PLEKHA5: variants seen among roughly 807,000 people sequenced by gnomAD.
PLEKHA5 encodes the protein pleckstrin homology domain containing A5.
PLEKHA5 carries 55 observed loss-of-function variants against 181.9 expected under a neutral mutation model. The observed-to-expected ratio is 0.30, with a 90% confidence interval of 0.24 to 0.38. The LOEUF is 0.38. Among genes scored for constraint, PLEKHA5 ranks in the 10% least tolerant of loss-of-function variants. The probability of loss-of-function intolerance (pLI) is 1.00; values close to 1 mark genes in which losing one functional copy is unlikely to be tolerated. For synonymous variants in PLEKHA5, 535 were observed against 529.4 expected (o/e 1.01, Z -0.15); for missense variants, 1,432 against 1,549.5 (o/e 0.92, Z 1.27).
intron 3 of PLEKHA5, chr12:19,150,467 C>G (rs2040115649): frequency 6.6e-6 from 1 of 152,202 alleles, no homozygotes; most frequent in African/African-American, 2.4e-5. Flanking sequence ...CCCTGTGGCA[C>G]TTATCACTGG....
intron 3 of PLEKHA5, among the ~76,000 whole-genome samples, chr12:19,205,069 A>G (rs1227256249): frequency 1.3e-5 from 2 of 152,138 alleles, no homozygotes; most frequent in Non-Finnish European, 2.9e-5. Context: ...TGTAGAAATA[A>G]TCATTTCCAG....
intron 7 of PLEKHA5, among the ~76,000 whole-genome samples, chr12:19,264,876 G>T (rs1161192920): frequency 6.6e-6 from 1 of 152,082 alleles, no homozygotes; most frequent in Non-Finnish European, 1.5e-5. Context: ...TGATGACACC[G>T]CTTTATTAAC....
rs3056387 is a variant in PLEKHA5, at chr12:19,196,812, C to CTTTTTTTTTTT, written c.228-57122_228-57112dup. On this transcript the variant is annotated intron_variant, in intron 3 of 31. Transcript: ENST00000429027. ...TTAACTTGTTTTTTCTTTTTTTTTT[C>CTTTTTTTTTTT]TTTTTTTTTTTTTTTTAGAGAAATA... is the stretch of plus-strand genomic sequence containing the variant. Among the ~76,000 whole-genome samples the CTTTTTTTTTTT allele has an allele frequency of 5.7e-5, 7 of 122,582 alleles. No individual in the cohort carries two copies. In the East Asian group the frequency reaches 7.4e-4, roughly 13 times the overall value. 80.4% of individuals were successfully genotyped at this position (122,582 alleles called of 152,430 possible).
intron 3 of PLEKHA5, among the ~76,000 whole-genome samples, chr12:19,193,437 T>A (rs925408307): frequency 6.6e-6 from 1 of 152,190 alleles, no homozygotes; most frequent in South Asian, 2.1e-4. Context: ...TTACTTCAAA[T>A]GGAAAGTTAG....
intron 3 of PLEKHA5, among the ~76,000 whole-genome samples, chr12:19,138,883 C>T (rs780071969): frequency 2.6e-5 from 4 of 152,086 alleles, no homozygotes; most frequent in South Asian, 2.1e-4. Flanking sequence ...ATACTGTGTC[C>T]GGTCTTTGAA....
intron 7 of PLEKHA5, among the ~76,000 whole-genome samples, chr12:19,262,085 A>G (rs1240182747): frequency 6.6e-6 from 1 of 152,172 alleles, no homozygotes; most frequent in Admixed American, 6.5e-5. Flanking sequence ...TCACTCTTTC[A>G]GAAAGTTAGG....
rs1448276791 is a variant in PLEKHA5 at position 19,290,757 on chromosome 12, A to G, written c.1944A>G (p.Ala648=). The part of the protein sequence containing the change: ...ELSSIREHTL[A]QLMQLKLEAH... ...GTAGTATCCGGGAGCATACGTTAGCACAGCTCATGCAGCTAAAGCTTGAGG... is the reference window on the plus strand; with the variant it reads ...GTAGTATCCGGGAGCATACGTTAGCGCAGCTCATGCAGCTAAAGCTTGAGG... The change falls in exon 14 of 32, where the codon GCA becomes GCG. Residue 648 remains alanine, a synonymous_variant. Transcript: ENST00000429027. 6 of 1,535,924 alleles carry G rather than the reference A, an allele frequency of 3.9e-6. No individual in the cohort carries two copies. Among genetic ancestry groups the G allele is most frequent in the Non-Finnish European group, 5.2e-6 (6 of 1,146,556 alleles).
At chr12:19,188,538 G>A (rs1481947150) in intron 3 of PLEKHA5, among the ~76,000 whole-genome samples, 1 of 152,124 alleles carries the variant, frequency 6.6e-6, no homozygotes, top group Non-Finnish European at 1.5e-5. Flanking sequence ...TATTAGATTA[G>A]AAATGATGTT....
At chr12:19,279,973 C>T (rs750819786) in intron 11 of PLEKHA5, among the ~76,000 whole-genome samples, 48 of 150,758 alleles carry the variant, frequency 3.2e-4, no homozygotes, top group Non-Finnish European at 4.9e-4. Context: ...CAAATTATGC[C>T]GGCAGTTTAT....
At chr12:19,211,437 C>G (rs2056879072) in intron 3 of PLEKHA5, among the ~76,000 whole-genome samples, 1 of 152,060 alleles carries the variant, frequency 6.6e-6, no homozygotes, top group Non-Finnish European at 1.5e-5. Flanking sequence ...AGCAGCGTGA[C>G]TCCTGAGGCA....
intron 3 of PLEKHA5, among the ~76,000 whole-genome samples, chr12:19,204,755 TAATA>T (rs1161773300): frequency 6.6e-6 from 1 of 152,166 alleles, no homozygotes; most frequent in Non-Finnish European, 1.5e-5. Context: ...GCAAACATTT[TAATA>T]AATACATTGA....
chr12:19,237,441 GATAA>G (rs1460982632), intron 3 of PLEKHA5, among the ~76,000 whole-genome samples: 1 of 152,030 alleles, frequency 6.6e-6, no homozygotes, highest in Non-Finnish European at 1.5e-5. Context: ...GACCTCCAAA[GATAA>G]TTAGATGAAT....
At chr12:19,368,324 C>T (rs769651784) in intron 30 of PLEKHA5, among the ~76,000 whole-genome samples, 1 of 151,934 alleles carries the variant, frequency 6.6e-6, no homozygotes, top group Non-Finnish European at 1.5e-5. Flanking sequence ...GACAACGTTT[C>T]TACTAAAAAT....
chr12:19,315,776 T>TTGAG, intron 16 of PLEKHA5, among the ~76,000 whole-genome samples: 1 of 152,252 alleles, frequency 6.6e-6, no homozygotes, highest in East Asian at 1.9e-4. Flanking sequence ...AAGAACGACT[T>TTGAG]TGAGCTCATG....
At chr12:19,302,657 A>G (rs1256105385) in intron 15 of PLEKHA5, among the ~76,000 whole-genome samples, 1 of 152,044 alleles carries the variant, frequency 6.6e-6, no homozygotes, top group Admixed American at 6.6e-5. Flanking sequence ...TTGGCCTCCC[A>G]AAGTGCTGCC....
chr12:19,245,736 A>C lies in PLEKHA5; in HGVS notation c.228-8204A>C, dbSNP rs994880387. ...GAGTGAGACTGTCAAAAAAAAAAAAAAAAAAAAAAAAAAACCTTCCTTTTA... is the reference window on the plus strand; with the variant it reads ...GAGTGAGACTGTCAAAAAAAAAAAACAAAAAAAAAAAAAACCTTCCTTTTA... On this transcript the variant is annotated intron_variant, in intron 3 of 31. Coordinates refer to ENST00000429027, the MANE Select transcript of PLEKHA5 (RefSeq NM_001256470.2). Among the ~76,000 whole-genome samples, 7 of 150,498 alleles carry C rather than the reference A, an allele frequency of 4.7e-5. No homozygotes were observed. The South Asian group carries it at 8.4e-4, about 18-fold the overall frequency.
At position 19,322,222 on chromosome 12, in the gene PLEKHA5, A is replaced by G. The variant is rs1420102885; in HGVS notation, c.2218-88A>G. ...TATTTTAACTTTTATTGATTGAAAT[A>G]TAGATTTTTGGTCATATAATGACTG... On this transcript the variant is annotated intron_variant, in intron 18 of 31. Transcript: ENST00000429027. The G allele has an allele frequency of 9.2e-6, 7 of 759,274 alleles. No individual in the cohort carries two copies. In the Admixed American group the frequency reaches 1.1e-4, roughly 12 times the overall value. The allele number at this position is 759,274 out of a possible 1,614,324, so 47.0% of individuals were successfully genotyped here.
At chr12:19,190,128 C>G (rs369040864) in intron 3 of PLEKHA5, among the ~76,000 whole-genome samples, 2 of 152,264 alleles carry the variant, frequency 1.3e-5, no homozygotes, top group South Asian at 2.1e-4. Flanking sequence ...CTTCACTTCA[C>G]CTTTTGAAAG....
intron 3 of PLEKHA5, among the ~76,000 whole-genome samples, chr12:19,223,689 CCT>C (rs1207318767): frequency 6.6e-6 from 1 of 151,958 alleles, no homozygotes; most frequent in Non-Finnish European, 1.5e-5. Flanking sequence ...GAATAGAGTC[CCT>C]CTCTGTTCTT....
Sources: gnomAD v4.1 joint callset for allele counts (sites outside exome capture counted in the v4.1 genomes callset) on GRCh38, gnomAD v4.1.1 for gene constraint, MANE v1.5 for transcripts, NCBI Gene and HGNC (gene_info 2026-07-23, HGNC 2026-07-21) for gene names.